DAB1: variants seen among roughly 807,000 people sequenced by gnomAD.
DAB1 encodes DAB adaptor protein 1, also known as disabled homolog 1.
In DAB1, 15 loss-of-function variants were observed where a neutral mutation model predicts 64.6. That is an observed-to-expected ratio of 0.23 (90% CI 0.16 to 0.36). The LOEUF (loss-of-function observed/expected upper bound fraction) is 0.36, where lower values mean the gene tolerates loss of function less well. Ranked by LOEUF, DAB1 falls within the 10% of genes least tolerant of loss-of-function variation. The pLI is 1.00. For missense variants in DAB1, 596 were observed against 706.7 expected, an observed-to-expected ratio of 0.84 and a Z score of 1.78; for synonymous variants, 235 against 251.9, an observed-to-expected ratio of 0.93 and a Z score of 0.64.
intron 1 of DAB1, among the ~76,000 whole-genome samples, chr1:57,327,501 G>T (rs1245990254): frequency 6.6e-6 from 1 of 152,054 alleles, no homozygotes; most frequent in African/African-American, 2.4e-5. Flanking sequence ...TCCTCCGGAC[G>T]GCAGATGGGG....
At chr1:57,676,667 C>T (rs1360468279) in intron 6 of DAB1, among the ~76,000 whole-genome samples, 2 of 152,138 alleles carry the variant, frequency 1.3e-5, no homozygotes, top group Admixed American at 1.3e-4. Context: ...TAATGATATG[C>T]CTCAAAATTA....
At chr1:57,769,205 A>G (rs1649452858) in intron 6 of DAB1, among the ~76,000 whole-genome samples, 1 of 152,162 alleles carries the variant, frequency 6.6e-6, no homozygotes, top group Non-Finnish European at 1.5e-5. Flanking sequence ...TCTTTAATGG[A>G]AAAGGAAATT....
chr1:57,770,270 T>C (rs1224830761), intron 6 of DAB1, among the ~76,000 whole-genome samples: 1 of 152,106 alleles, frequency 6.6e-6, no homozygotes, highest in East Asian at 1.9e-4. Context: ...AAGCCTGTTT[T>C]TCTTATCGAT....
chr1:57,655,778 A>G (rs1170224862), intron 6 of DAB1, among the ~76,000 whole-genome samples: 2 of 152,340 alleles, frequency 1.3e-5, no homozygotes, highest in Non-Finnish European at 1.5e-5. Flanking sequence ...AATATACAAT[A>G]GAAATTTAGA....
At chr1:58,101,814 G>A (rs1016368330) in intron 5 of DAB1, among the ~76,000 whole-genome samples, 2 of 152,106 alleles carry the variant, frequency 1.3e-5, no homozygotes, top group African/African-American at 4.8e-5. Context: ...TAAACACAAA[G>A]CACATCTGAA....
chr1:58,021,043 C>T (rs931298550), intron 5 of DAB1, among the ~76,000 whole-genome samples: 2 of 152,152 alleles, frequency 1.3e-5, no homozygotes, highest in Non-Finnish European at 2.9e-5. Flanking sequence ...AGACCTGGAC[C>T]CTGCTAGTTC....
chr1:58,280,812 G>T (rs2100439060), intron 4 of DAB1, among the ~76,000 whole-genome samples: 1 of 152,298 alleles, frequency 6.6e-6, no homozygotes, highest in Non-Finnish European at 1.5e-5. Flanking sequence ...CAGGGAGTGG[G>T]GGTGGCACCC....
intron 9 of DAB1, among the ~76,000 whole-genome samples, chr1:57,041,158 T>C (rs573492874): frequency 6.6e-6 from 1 of 152,374 alleles, no homozygotes; most frequent in South Asian, 2.1e-4. Context: ...AGCCGTTCCA[T>C]GCAAAATGTT....
At chr1:57,217,207 A>G (rs1666495055) in intron 2 of DAB1, among the ~76,000 whole-genome samples, 1 of 152,214 alleles carries the variant, frequency 6.6e-6, no homozygotes, top group African/African-American at 2.4e-5. Flanking sequence ...TATTATCTCT[A>G]TCACAGTGCT....
chr1:57,677,818 G>A lies in DAB1; in HGVS notation n.552-28153C>T, dbSNP rs138523386. ...TGCAAGGTACTGTTATTCATTGGGA[G>A]CAAAGAAGAATAAGATAGTACCAGC... On this transcript the variant is annotated intron_variant and non_coding_transcript_variant, in intron 6 of 20. Transcript: ENST00000485760. 1.3e-3 allele frequency among the ~76,000 whole-genome samples: 195 copies of A among 152,274 alleles called. No individual in the cohort carries two copies. In the Middle Eastern group the frequency reaches 0.017, roughly 13 times the overall value.
At chr1:57,910,882 C>T (rs1644633640) in intron 5 of DAB1, among the ~76,000 whole-genome samples, 1 of 152,204 alleles carries the variant, frequency 6.6e-6, no homozygotes, top group Admixed American at 6.5e-5. Context: ...GTGTAAGTCA[C>T]TTCAACCCTT....
intron 7 of DAB1, among the ~76,000 whole-genome samples, chr1:57,508,132 C>T (rs1644366558): frequency 6.6e-6 from 1 of 152,174 alleles, no homozygotes; most frequent in South Asian, 2.1e-4. Flanking sequence ...CTCCTCACAT[C>T]CCGGGGGTAA....
At chr1:57,251,100 G>T (rs1669303639) in intron 2 of DAB1, among the ~76,000 whole-genome samples, 1 of 152,198 alleles carries the variant, frequency 6.6e-6, no homozygotes, top group Non-Finnish European at 1.5e-5. Context: ...ATTGTACATG[G>T]TTTTCATACC....
intron 5 of DAB1, among the ~76,000 whole-genome samples, chr1:58,033,502 T>C (rs2100486251): frequency 6.6e-6 from 1 of 152,316 alleles, no homozygotes; most frequent in Admixed American, 6.5e-5. Context: ...ACTAAAACAT[T>C]CTTCATCCAG....
At chr1:57,379,265 T>C (rs1681167659) in intron 1 of DAB1, among the ~76,000 whole-genome samples, 1 of 151,860 alleles carries the variant, frequency 6.6e-6, no homozygotes, top group African/African-American at 2.4e-5. Context: ...AACAAACAAA[T>C]ACATTCTTAG....
At chr1:58,415,621 G>A (rs1644712282) in intron 3 of DAB1, 1 of 152,636 alleles carries the variant, frequency 6.6e-6, no homozygotes, top group South Asian at 2.1e-4. Context: ...AAAGCTTTGA[G>A]AACTATATTT....
intron 12 of DAB1, among the ~76,000 whole-genome samples, chr1:57,012,597 A>G (rs181711371): frequency 2.0e-5 from 3 of 152,302 alleles, no homozygotes; most frequent in African/African-American, 7.2e-5. Flanking sequence ...GGGTCAGAGG[A>G]TATAAAGACT....
chr1:58,226,857 G>A (rs189314761), intron 4 of DAB1, among the ~76,000 whole-genome samples: 1 of 152,276 alleles, frequency 6.6e-6, no homozygotes, highest in East Asian at 1.9e-4. Flanking sequence ...ACTTAACAGT[G>A]TCATCCTTTG....
At chr1:57,036,857 G>T (rs1314717790) in intron 9 of DAB1, among the ~76,000 whole-genome samples, 1 of 152,162 alleles carries the variant, frequency 6.6e-6, no homozygotes, top group Admixed American at 6.5e-5. Context: ...TTTCAAAACA[G>T]TGGGGACACT....
Sources: allele counts gnomAD v4.1 joint callset (sites outside exome capture counted in the v4.1 genomes callset), GRCh38; gene constraint gnomAD v4.1.1; transcripts MANE v1.5; gene names NCBI Gene and HGNC (gene_info 2026-07-23, HGNC 2026-07-21).